The following AGFG1 variants were observed in gnomAD, a reference collection of about 807,000 sequenced individuals.
AGFG1 encodes arf-GAP domain and FG repeat-containing protein 1.
AGFG1 carries 10 observed loss-of-function variants against 60.6 expected under a neutral mutation model. That is an observed-to-expected ratio of 0.16 (90% CI 0.10 to 0.28). The LOEUF is 0.28. Ranked by LOEUF, AGFG1 falls within the 10% of genes least tolerant of loss-of-function variation. AGFG1 has a pLI of 1.00. For synonymous variants in AGFG1, 247 were observed against 242.9 expected, an observed-to-expected ratio of 1.02 and a Z score of -0.16; for missense variants, 537 against 676.5, an observed-to-expected ratio of 0.79 and a Z score of 2.29.
intron 2 of AGFG1, among the ~76,000 whole-genome samples, chr2:227,513,294 C>G (rs572558536): frequency 6.6e-6 from 1 of 152,284 alleles, no homozygotes; most frequent in African/African-American, 2.4e-5. Flanking sequence ...ACTTCTCACT[C>G]CAGTCTTTTC....
At chr2:227,531,920 G>A (rs898879803) in intron 6 of AGFG1, among the ~76,000 whole-genome samples, 1 of 152,114 alleles carries the variant, frequency 6.6e-6, no homozygotes, top group African/African-American at 2.4e-5. Context: ...GTCAAACTTG[G>A]AAATAGTTTT....
chr2:227,542,176 G>T (rs575390927), intron 10 of AGFG1, among the ~76,000 whole-genome samples: 30 of 152,082 alleles, frequency 2.0e-4, no homozygotes, highest in Non-Finnish European at 3.2e-4. Flanking sequence ...TGATTGCCCT[G>T]GCCAGAAGTT....
At chr2:227,482,421 A>T (rs981212380) in intron 1 of AGFG1, among the ~76,000 whole-genome samples, 1 of 152,222 alleles carries the variant, frequency 6.6e-6, no homozygotes, top group African/African-American at 2.4e-5. Context: ...GTGTCTTGGC[A>T]TCAATAGTTT....
chr2:227,505,422 T>C (rs1691282689), intron 2 of AGFG1, among the ~76,000 whole-genome samples: 1 of 152,166 alleles, frequency 6.6e-6, no homozygotes, highest in Non-Finnish European at 1.5e-5. Context: ...TCATTCTCTC[T>C]CAGCTCTCCT....
In AGFG1 at chr2:227,472,179, TGGC is replaced by T. The variant is rs752410442; in HGVS notation, c.-228_-226del. The T allele has an allele frequency of 3.5e-4, 55 of 156,472 alleles. No individual in the cohort carries two copies. The South Asian group carries it at 5.9e-3, about 17-fold the overall frequency. 9.7% of individuals were successfully genotyped at this position (156,472 alleles called of 1,614,324 possible). On this transcript the variant is annotated 5_prime_UTR_variant, in exon 1 of 13. Transcript: ENST00000310078. Reference sequence around the variant, plus strand: ...TTCCCCTCAGGAGAAGTCGGGAAGGTGGCGGCGGCGGCGGCGGTTGTCCCGGCT... The same window carrying T: ...TTCCCCTCAGGAGAAGTCGGGAAGGTGGCGGCGGCGGCGGTTGTCCCGGCT...
chr2:227,488,979 A>G (rs192512646), intron 1 of AGFG1, among the ~76,000 whole-genome samples: 63 of 151,880 alleles, frequency 4.1e-4, no homozygotes, highest in African/African-American at 1.5e-3. Context: ...ATGCCCAGAT[A>G]ATTTTTGTAG....
chr2:227,558,910 C>A lies in AGFG1; in HGVS notation c.*4415C>A, dbSNP rs1282461827. The A allele has an allele frequency of 1.3e-5, 2 of 152,222 alleles. No individual in the cohort carries two copies. The highest frequency in any genetic ancestry group is 4.8e-5 in the African/African-American group (2 of 41,462). The allele number at this position is 152,222 out of a possible 1,614,324, so 9.4% of individuals were successfully genotyped here. A position where few individuals can be genotyped will look rare whatever the true frequency, so the allele number is the denominator to read the frequency against. On this transcript the variant is annotated 3_prime_UTR_variant, in exon 13 of 13. Coordinates refer to ENST00000310078, the MANE Select transcript of AGFG1 (RefSeq NM_004504.5). The stretch of plus-strand genomic sequence containing the variant: ...CAGCTTCAGCACAGCAAAGGACATA[C>A]AATTCCACAACTCATTAATTAAATG...
At chr2:227,477,914 A>G (rs1256847517) in intron 1 of AGFG1, among the ~76,000 whole-genome samples, 3 of 152,062 alleles carry the variant, frequency 2.0e-5, no homozygotes, top group Admixed American at 6.6e-5. Context: ...CCAGCCCAGA[A>G]TAGATATTTT....
rs377186111 is a variant in AGFG1 at position 227,492,167 on chromosome 2, A to T, written c.261+527A>T. On this transcript the variant is annotated intron_variant, in intron 2 of 12. Transcript: ENST00000310078. ...CAGATGGTATAAAGATTTGGATGGAAGCTTTTTTTCTTCTTGCCTTTAATG... is the reference window on the plus strand; with the variant it reads ...CAGATGGTATAAAGATTTGGATGGATGCTTTTTTTCTTCTTGCCTTTAATG... Among the ~76,000 whole-genome samples, 11 of 152,026 alleles carry T rather than the reference A, an allele frequency of 7.2e-5. No individual in the cohort carries two copies. In the East Asian group the frequency reaches 1.7e-3, roughly 24 times the overall value.
At chr2:227,486,618 T>A (rs1690646860) in intron 1 of AGFG1, among the ~76,000 whole-genome samples, 1 of 152,236 alleles carries the variant, frequency 6.6e-6, no homozygotes, top group African/African-American at 2.4e-5. Context: ...ACATGTATGT[T>A]TACTTTGTTG....
At chr2:227,482,144 C>T (rs1305557453) in intron 1 of AGFG1, among the ~76,000 whole-genome samples, 4 of 152,090 alleles carry the variant, frequency 2.6e-5, no homozygotes, top group African/African-American at 4.8e-5. Flanking sequence ...AGATTACAGG[C>T]GTGAGCCACC....
At chr2:227,505,189 T>C (rs1217167308) in intron 2 of AGFG1, among the ~76,000 whole-genome samples, 1 of 134,882 alleles carries the variant, frequency 7.4e-6, no homozygotes, top group Non-Finnish European at 1.7e-5. Flanking sequence ...TTTTTTGAAA[T>C]TTACTTTATC....
intron 4 of AGFG1, 95 bp from the exon 5 acceptor site, chr2:227,524,667 G>A (rs896624404): frequency 6.4e-5 from 82 of 1,274,690 alleles, no homozygotes; most frequent in Admixed American, 5.3e-4. Context: ...GTAACTCTTC[G>A]TATGTATAAG....
At chr2:227,540,856 T>C (rs1433763918) in intron 10 of AGFG1, among the ~76,000 whole-genome samples, 2 of 152,198 alleles carry the variant, frequency 1.3e-5, no homozygotes, top group Non-Finnish European at 2.9e-5. Context: ...CTCCAGCATC[T>C]GTTGTTTCCT....
rs1353896378 is a variant in AGFG1 at position 227,484,677 on chromosome 2, GTTTTTTTTTTGTTT to G, written c.168-6859_168-6846del. Reference sequence around the variant, plus strand: ...AAGCTTCTTTAATGAAGATCTCTTAGTTTTTTTTTTGTTTTTTTTTTTTTTTTTTTTTTTTTTTT... The same window carrying G: ...AAGCTTCTTTAATGAAGATCTCTTAGTTTTTTTTTTTTTTTTTTTTTTTTT... On this transcript the variant is annotated intron_variant, in intron 1 of 12. Coordinates refer to ENST00000310078, the MANE Select transcript of AGFG1 (RefSeq NM_004504.5). Among the ~76,000 whole-genome samples, 283 of 115,872 alleles carry G rather than the reference GTTTTTTTTTTGTTT, an allele frequency of 2.4e-3. 18 individuals are homozygous for G. Among genetic ancestry groups the G allele is most frequent in the African/African-American group, 5.9e-3 (178 of 29,944 alleles). 76.0% of individuals were successfully genotyped at this position (115,872 alleles called of 152,430 possible).
At chr2:227,473,208 C>T (rs1450769012) in intron 1 of AGFG1, among the ~76,000 whole-genome samples, 1 of 152,122 alleles carries the variant, frequency 6.6e-6, no homozygotes, top group Non-Finnish European at 1.5e-5. Flanking sequence ...ATGAAAGCAT[C>T]TTGATGGCAG....
intron 1 of AGFG1, among the ~76,000 whole-genome samples, chr2:227,476,925 A>G (rs1282001689): frequency 7.4e-6 from 1 of 135,822 alleles, no homozygotes; most frequent in Non-Finnish European, 1.5e-5. Context: ...TTTTTGAGAC[A>G]TAGTCTCACT....
chr2:227,537,303 A>G (rs1057465576), intron 10 of AGFG1, among the ~76,000 whole-genome samples: 1 of 152,248 alleles, frequency 6.6e-6, no homozygotes, highest in Non-Finnish European at 1.5e-5. Context: ...GGACTTGAAC[A>G]GAGCAATTTA....
intron 1 of AGFG1, among the ~76,000 whole-genome samples, chr2:227,489,229 T>G (rs1179607177): frequency 7.2e-6 from 1 of 138,410 alleles, no homozygotes; most frequent in Non-Finnish European, 1.6e-5. Flanking sequence ...GAGAGTTTTT[T>G]TTTTTTTTTT....
Sources: gnomAD v4.1 joint callset for allele counts (sites outside exome capture counted in the v4.1 genomes callset) on GRCh38, gnomAD v4.1.1 for gene constraint, MANE v1.5 for transcripts, NCBI Gene and HGNC (gene_info 2026-07-23, HGNC 2026-07-21) for gene names.